The following IMMP2L variants were observed in gnomAD, a reference collection of about 807,000 sequenced individuals.
IMMP2L encodes the protein mitochondrial inner membrane protease subunit 2.
IMMP2L carries 18 observed loss-of-function variants against 19.3 expected under a neutral mutation model. The ratio of observed to expected loss-of-function variants is 0.93; its 90% confidence interval spans 0.64 to 1.38. The LOEUF is 1.38. Ranked by LOEUF, IMMP2L falls within the 40% of genes most tolerant of loss-of-function variation. The probability of loss-of-function intolerance (pLI) is 0.00; values close to 1 mark genes in which losing one functional copy is unlikely to be tolerated. For synonymous variants in IMMP2L, 76 were observed against 73.0 expected, an observed-to-expected ratio of 1.04 and a Z score of -0.21; for missense variants, 233 against 218.2, an observed-to-expected ratio of 1.07 and a Z score of -0.43.
intron 5 of IMMP2L, among the ~76,000 whole-genome samples, chr7:110,704,182 T>C (rs1794486221): frequency 6.6e-6 from 1 of 152,132 alleles, no homozygotes; most frequent in Non-Finnish European, 1.5e-5. Context: ...ATTGATTTTA[T>C]AATTTCTAAG....
At chr7:110,890,931 CAAGA>C (rs939896653) in intron 4 of IMMP2L, among the ~76,000 whole-genome samples, 2 of 152,038 alleles carry the variant, frequency 1.3e-5, no homozygotes, top group African/African-American at 4.8e-5. Flanking sequence ...CTTGTTTCCA[CAAGA>C]AAGGAAGAAT....
chr7:111,280,601 G>T (rs1819580159), intron 3 of IMMP2L, among the ~76,000 whole-genome samples: 1 of 152,152 alleles, frequency 6.6e-6, no homozygotes, highest in African/African-American at 2.4e-5. Context: ...GCAAAAAAAG[G>T]AAATGTCATG....
chr7:111,158,115 C>A (rs527443326), intron 3 of IMMP2L, among the ~76,000 whole-genome samples: 152 of 151,792 alleles, frequency 1.0e-3, no homozygotes, highest in African/African-American at 3.5e-3. Flanking sequence ...ACTCTATATA[C>A]AAAAATAATA....
intron 5 of IMMP2L, among the ~76,000 whole-genome samples, chr7:110,751,416 TACAA>T (rs765098818): frequency 2.6e-5 from 4 of 152,006 alleles, no homozygotes; most frequent in African/African-American, 7.2e-5. Context: ...CTAAGCCTTT[TACAA>T]ACAATCTTTT....
intron 2 of IMMP2L, among the ~76,000 whole-genome samples, chr7:111,497,603 A>G (rs1172354135): frequency 6.6e-6 from 1 of 152,158 alleles, no homozygotes. Context: ...GGACGGAAGA[A>G]AAAAGGGAAA....
chr7:111,422,009 C>T lies in IMMP2L; in HGVS notation c.239+65229G>A, dbSNP rs149361498. Among the ~76,000 whole-genome samples the T allele has an allele frequency of 1.8e-4, 27 of 151,732 alleles. 1 individual carries two copies. Among genetic ancestry groups the T allele is most frequent in the African/African-American group, 5.1e-4 (21 of 41,204 alleles). On this transcript the variant is annotated intron_variant, in intron 3 of 5. Transcript: ENST00000405709. ...TCCCCATTTCTTGTTGTTTTTGTCA[C>T]GTTTGTCAAAGAACAGATGGCTGTA...
intron 5 of IMMP2L, among the ~76,000 whole-genome samples, chr7:110,735,068 A>G (rs1350010169): frequency 6.6e-6 from 1 of 152,208 alleles, no homozygotes; most frequent in Non-Finnish European, 1.5e-5. Context: ...TTACATAGCC[A>G]GCTCGGGAAT....
intron 3 of IMMP2L, among the ~76,000 whole-genome samples, chr7:111,168,520 T>A (rs1806084284): frequency 6.6e-6 from 1 of 151,922 alleles, no homozygotes; most frequent in Non-Finnish European, 1.5e-5. Flanking sequence ...CAGTTTATAT[T>A]TTTTGGGGGC....
At chr7:110,966,444 G>T (rs894821349) in intron 3 of IMMP2L, among the ~76,000 whole-genome samples, 10 of 151,846 alleles carry the variant, frequency 6.6e-5, no homozygotes, top group Non-Finnish European at 4.4e-5. Context: ...CTAATATTGA[G>T]GTGAGATTAA....
intron 3 of IMMP2L, among the ~76,000 whole-genome samples, chr7:110,969,289 C>G (rs1819887441): frequency 6.6e-6 from 1 of 152,094 alleles, no homozygotes; most frequent in East Asian, 1.9e-4. Context: ...TTAATTAGCA[C>G]TCTCAAAATT....
intron 3 of IMMP2L, among the ~76,000 whole-genome samples, chr7:111,050,279 A>T (rs1031960497): frequency 8.5e-5 from 13 of 152,328 alleles, no homozygotes; most frequent in African/African-American, 3.1e-4. Flanking sequence ...TTTGAAGCCA[A>T]ATTCACCATA....
intron 3 of IMMP2L, among the ~76,000 whole-genome samples, chr7:111,226,916 A>T (rs1318345927): frequency 6.6e-6 from 1 of 152,094 alleles, no homozygotes; most frequent in Non-Finnish European, 1.5e-5. Context: ...ACATGAGCAA[A>T]TTTATTGTTC....
chr7:110,730,400 T>G (rs1184236080), intron 5 of IMMP2L, among the ~76,000 whole-genome samples: 6 of 152,246 alleles, frequency 3.9e-5, no homozygotes, highest in Non-Finnish European at 8.8e-5. Flanking sequence ...CTTCAGCTTT[T>G]GGACCCTTGG....
intron 3 of IMMP2L, among the ~76,000 whole-genome samples, chr7:111,362,861 G>A (rs922319054): frequency 9.2e-5 from 14 of 152,068 alleles, no homozygotes; most frequent in African/African-American, 3.4e-4. Context: ...GTTGTAACAT[G>A]AGTCAAGAGC....
chr7:110,903,761 G>A (rs956058124), intron 4 of IMMP2L, among the ~76,000 whole-genome samples: 9 of 151,596 alleles, frequency 5.9e-5, no homozygotes, highest in African/African-American at 2.2e-4. Flanking sequence ...GGATCATATA[G>A]TAGCTCTGTT....
intron 4 of IMMP2L, among the ~76,000 whole-genome samples, chr7:110,916,142 T>A (rs932710286): frequency 6.6e-6 from 1 of 152,202 alleles, no homozygotes; most frequent in Non-Finnish European, 1.5e-5. Context: ...GAATTAAAAA[T>A]CATTGCTTCG....
intron 3 of IMMP2L, among the ~76,000 whole-genome samples, chr7:111,454,007 G>A (rs1213365122): frequency 3.3e-5 from 5 of 152,068 alleles, no homozygotes; most frequent in Non-Finnish European, 5.9e-5. Flanking sequence ...TTAAATAACT[G>A]TATCTGCATG....
chr7:111,508,752 G>A (rs1845171753), intron 2 of IMMP2L, among the ~76,000 whole-genome samples: 1 of 152,170 alleles, frequency 6.6e-6, no homozygotes, highest in South Asian at 2.1e-4. Context: ...GTAGGTATAT[G>A]TGAAATAGGT....
chr7:110,682,179 A>T (rs1460551638), intron 5 of IMMP2L, among the ~76,000 whole-genome samples: 1 of 152,042 alleles, frequency 6.6e-6, no homozygotes, highest in Non-Finnish European at 1.5e-5. Flanking sequence ...AGCTCTGGAC[A>T]TTTGTACATA....
Sources: allele counts gnomAD v4.1 joint callset (sites outside exome capture counted in the v4.1 genomes callset), GRCh38; gene constraint gnomAD v4.1.1; transcripts MANE v1.5; gene names NCBI Gene and HGNC (gene_info 2026-07-23, HGNC 2026-07-21).